Variants in CETN3 observed in about 807,000 individuals in gnomAD.
CETN3 encodes centrin 3, also known as centrin-3.
CETN3 carries 17 observed loss-of-function variants against 20.1 expected under a neutral mutation model. That is an observed-to-expected ratio of 0.85 (90% CI 0.58 to 1.27). The LOEUF (loss-of-function observed/expected upper bound fraction) is 1.27, where lower values mean the gene tolerates loss of function less well. Ranked by LOEUF, CETN3 falls within the 50% of genes most tolerant of loss-of-function variation. The probability of loss-of-function intolerance (pLI) is 0.00; values close to 1 mark genes in which losing one functional copy is unlikely to be tolerated. For synonymous variants in CETN3, 52 were observed against 59.7 expected (o/e 0.87, Z 0.59); for missense variants, 169 against 191.2 (o/e 0.88, Z 0.69).
chr5:90,402,124 T>C (rs988186280), intron 3 of CETN3, among the ~76,000 whole-genome samples: 6 of 152,200 alleles, frequency 3.9e-5, no homozygotes, highest in Admixed American at 3.3e-4. Flanking sequence ...AGTGCTGGGA[T>C]TACAGGCATG....
At position 90,394,117 on chromosome 5, in the gene CETN3, G is replaced by C; in HGVS notation, c.461-10C>G. ...AACTCCTCTTGGTTTACTGTGGTAA[G>C]AAAGAAAATGAAATAGTCAGAAATA... On this transcript the variant is annotated splice_polypyrimidine_tract_variant and intron_variant, in intron 4 of 4. Coordinates refer to ENST00000283122, the MANE Select transcript of CETN3 (RefSeq NM_004365.4). The C allele has an allele frequency of 6.7e-7, 1 of 1,500,912 alleles. No individual in the cohort carries two copies. Among genetic ancestry groups the C allele is most frequent in the South Asian group, 1.2e-5 (1 of 83,690 alleles). The allele number at this position is 1,500,912 out of a possible 1,614,324, so 93.0% of individuals were successfully genotyped here. A position where few individuals can be genotyped will look rare whatever the true frequency, so the allele number is the denominator to read the frequency against.
intron 3 of CETN3, 59 bp downstream of exon 3, chr5:90,405,626 G>T: frequency 1.9e-6 from 2 of 1,074,870 alleles, no homozygotes; most frequent in Non-Finnish European, 2.9e-6. Flanking sequence ...TTTAAAAAGT[G>T]ATATTAATCA....
At chr5:90,400,835 G>C (rs1749271771) in intron 3 of CETN3, among the ~76,000 whole-genome samples, 1 of 151,972 alleles carries the variant, frequency 6.6e-6, no homozygotes, top group Non-Finnish European at 1.5e-5. Context: ...GTATATTACT[G>C]TAAGTATGCA....
At position 90,407,719 on chromosome 5, in the gene CETN3, T is replaced by C. The variant is rs1278770921; in HGVS notation, c.133A>G (p.Ile45Val). Residue 45 changes from isoleucine (I) to valine (V), a missense_variant, in exon 2 of 5, where the codon ATA becomes GTA. Transcript: ENST00000283122. Reference sequence around the variant, plus strand: ...ATTACCTTTAATTCATGATAATCTATTGCTTCATCTTTGTCTGTATCAAAT... The same window carrying C: ...ATTACCTTTAATTCATGATAATCTACTGCTTCATCTTTGTCTGTATCAAAT... ...ELFDTDKDEA[I>V]DYHELKVAMR... The C allele has an allele frequency of 1.6e-5, 24 of 1,543,766 alleles. No individual in the cohort carries two copies. Among genetic ancestry groups the C allele is most frequent in the Non-Finnish European group, 2.1e-5 (24 of 1,134,140 alleles).
At chr5:90,400,588 TA>T (rs200830960) in intron 3 of CETN3, among the ~76,000 whole-genome samples, 2,887 of 116,366 alleles carry the variant, frequency 0.025, 78 homozygotes, top group Admixed American at 0.094. Context: ...ACAGAATCAT[TA>T]AAAAAAAAAA....
In CETN3 at chr5:90,409,687, C is replaced by T; in HGVS notation, c.-26G>A. The stretch of plus-strand genomic sequence containing the variant: ...TATCTCTTCGCACAGAGACGTTCCT[C>T]TCAAGAACGATTTTAACCCCCTACC... On this transcript the variant is annotated 5_prime_UTR_variant, in exon 1 of 5. Transcript: ENST00000283122. 6.2e-7 allele frequency: 1 copy of T among 1,614,132 alleles called. No individual in the cohort carries two copies. The highest frequency in any genetic ancestry group is 8.5e-7 in the Non-Finnish European group (1 of 1,180,000).
At chr5:90,404,195 C>T (rs2151883595) in intron 3 of CETN3, among the ~76,000 whole-genome samples, 1 of 152,220 alleles carries the variant, frequency 6.6e-6, no homozygotes, top group East Asian at 1.9e-4. Context: ...TGAGAGAATA[C>T]AATGATCCCC....
chr5:90,394,801 T>C (rs542897427), intron 4 of CETN3, among the ~76,000 whole-genome samples: 36 of 152,142 alleles, frequency 2.4e-4, no homozygotes, highest in Non-Finnish European at 4.1e-4. Context: ...ATTATAAATA[T>C]AGTAAGAATC....
intron 4 of CETN3, among the ~76,000 whole-genome samples, chr5:90,397,045 A>C (rs1241210184): frequency 6.6e-6 from 1 of 152,124 alleles, no homozygotes; most frequent in Non-Finnish European, 1.5e-5. Context: ...GTTATATGAA[A>C]ATACTATGCC....
intron 1 of CETN3, among the ~76,000 whole-genome samples, chr5:90,408,224 A>G (rs552393508): frequency 1.3e-5 from 2 of 152,338 alleles, no homozygotes; most frequent in East Asian, 3.9e-4. Flanking sequence ...GAATTTAAAA[A>G]AAATCTCCAA....
intron 4 of CETN3, 79 bp downstream of exon 4, chr5:90,399,279 A>T: frequency 7.5e-7 from 1 of 1,329,216 alleles, no homozygotes; most frequent in Non-Finnish European, 1.1e-6. Flanking sequence ...AAAGTCTTGC[A>T]AGTCATTTGG....
At chr5:90,395,755 G>T in intron 4 of CETN3, 1 of 411,744 alleles carries the variant, frequency 2.4e-6, no homozygotes, top group Non-Finnish European at 3.3e-6. Flanking sequence ...AAGGTACAAT[G>T]GTGTTCATTG....
intron 1 of CETN3, among the ~76,000 whole-genome samples, chr5:90,408,905 C>G (rs1278085494): frequency 6.6e-6 from 1 of 151,690 alleles, no homozygotes; most frequent in African/African-American, 2.4e-5. Context: ...CTTGGGTATT[C>G]CTGGGGTCAG....
intron 1 of CETN3, among the ~76,000 whole-genome samples, chr5:90,408,965 C>A (rs958698603): frequency 6.6e-6 from 1 of 152,100 alleles, no homozygotes; most frequent in Non-Finnish European, 1.5e-5. Flanking sequence ...CCGACCCACC[C>A]CTGACCCCAT....
At chr5:90,395,200 C>T (rs891627583) in intron 4 of CETN3, among the ~76,000 whole-genome samples, 6 of 152,086 alleles carry the variant, frequency 3.9e-5, no homozygotes, top group Non-Finnish European at 7.4e-5. Flanking sequence ...TTGAATCAAA[C>T]ATTTTTAAGT....
chr5:90,395,150 C>T (rs1749109428), intron 4 of CETN3, among the ~76,000 whole-genome samples: 2 of 152,216 alleles, frequency 1.3e-5, no homozygotes, highest in East Asian at 1.9e-4. Flanking sequence ...GATTGTTTAA[C>T]TCTTATTTAC....
At chr5:90,396,054 A>C (rs1749130063) in intron 4 of CETN3, 5 of 924,068 alleles carry the variant, frequency 5.4e-6, no homozygotes, top group Non-Finnish European at 6.5e-6. Flanking sequence ...AATTATTACT[A>C]ATAAGAAAAA....
chr5:90,393,908 G>C lies in CETN3; in HGVS notation c.*156C>G, dbSNP rs1204570350. The C allele has an allele frequency of 5.3e-6, 3 of 567,180 alleles. No homozygotes were observed. Among genetic ancestry groups the C allele is most frequent in the Non-Finnish European group, 6.2e-6 (2 of 323,618 alleles). The allele number at this position is 567,180 out of a possible 1,614,324, so 35.1% of individuals were successfully genotyped here. A position where few individuals can be genotyped will look rare whatever the true frequency, so the allele number is the denominator to read the frequency against. On this transcript the variant is annotated 3_prime_UTR_variant, in exon 5 of 5. Coordinates refer to ENST00000283122, the MANE Select transcript of CETN3 (RefSeq NM_004365.4). ...GTACTAACAACACAGTTCATACAAA[G>C]AAACTTAACAGTAGTAAAATACAGA...
intron 3 of CETN3, among the ~76,000 whole-genome samples, chr5:90,400,827 A>G (rs911005866): frequency 6.6e-6 from 1 of 152,194 alleles, no homozygotes. Context: ...TAATTGAAGT[A>G]TATTACTGTA....
Sources: allele counts gnomAD v4.1 joint callset (sites outside exome capture counted in the v4.1 genomes callset), GRCh38; gene constraint gnomAD v4.1.1; transcripts MANE v1.5; gene names NCBI Gene and HGNC (gene_info 2026-07-23, HGNC 2026-07-21).